ZDHHC21: variants seen among roughly 807,000 people sequenced by gnomAD.
ZDHHC21 encodes palmitoyltransferase ZDHHC21.
A neutral mutation model predicts 34.6 loss-of-function variants in ZDHHC21; 15 were observed. The ratio of observed to expected loss-of-function variants is 0.43; its 90% CI spans 0.29 to 0.67. The LOEUF (loss-of-function observed/expected upper bound fraction) is 0.67, where lower values mean the gene tolerates loss of function less well. Ranked by LOEUF, ZDHHC21 falls within the 30% of genes least tolerant of loss-of-function variation. The pLI, the probability that ZDHHC21 is intolerant of heterozygous loss-of-function variation, is 0.14. For missense variants in ZDHHC21, 344 were observed against 327.7 expected (o/e 1.05, Z -0.38); for synonymous variants, 142 against 101.8 (o/e 1.40, Z -2.38).
At chr9:14,589,151 G>A in the ZDHHC21 span, 2 of 152,230 alleles carry the variant, frequency 1.3e-5, no homozygotes, top group East Asian at 1.9e-4. Context: ...CAACAGAAGT[G>A]CTCTCTAGTC....
chr9:14,630,259 A>G (rs1033029263), intron 8 of ZDHHC21, among the ~76,000 whole-genome samples: 1 of 152,304 alleles, frequency 6.6e-6, no homozygotes, highest in African/African-American at 2.4e-5. Flanking sequence ...TGTCATTTCA[A>G]TAACGTCCAC....
Position 14,619,011 on chromosome 9 carries a change from C to G in ZDHHC21, c.753G>C (p.Gln251His), listed in dbSNP as rs1235681418. 6.2e-7 allele frequency: 1 copy of G among 1,611,838 alleles called. No individual in the cohort carries two copies. The highest frequency in any genetic ancestry group is 8.5e-7 in the Non-Finnish European group (1 of 1,178,860). The change falls in exon 10 of 10, where the codon CAG becomes CAC. Residue 251 changes from glutamine (Q) to histidine (H), a missense_variant. Gln to His is a conservative substitution (Grantham distance 24, BLOSUM62 0). Transcript: ENST00000380916. ...WKILWFIPFR[Q>H]RQPLRVPYHF... ...GGTAGGGAACTCGCAGTGGTTGCCT[C>G]TGCCTGAAAGGAATGAACCACAGGA...
intron 1 of ZDHHC21, among the ~76,000 whole-genome samples, chr9:14,691,651 T>C (rs536558584): frequency 2.0e-5 from 3 of 152,330 alleles, no homozygotes; most frequent in African/African-American, 7.2e-5. Context: ...TTTCTTTAAA[T>C]GACGCTCTAT....
the ZDHHC21 span, among the ~76,000 whole-genome samples, chr9:14,601,111 C>T: frequency 6.6e-6 from 1 of 152,158 alleles, no homozygotes. Context: ...ATGACTAAAA[C>T]ACCAAAAGCA....
At chr9:14,594,937 A>T in the ZDHHC21 span, among the ~76,000 whole-genome samples, 3 of 152,182 alleles carry the variant, frequency 2.0e-5, no homozygotes, top group Non-Finnish European at 4.4e-5. Flanking sequence ...GTTCAACATC[A>T]CTAGCCATTT....
chr9:14,655,363 C>T (rs1832013405), intron 7 of ZDHHC21, among the ~76,000 whole-genome samples: 1 of 151,838 alleles, frequency 6.6e-6, no homozygotes, highest in African/African-American at 2.4e-5. Flanking sequence ...AAAAATAAGC[C>T]TAGAGGAGGC....
At chr9:14,679,041 A>G (rs1297713195) in intron 3 of ZDHHC21, among the ~76,000 whole-genome samples, 1 of 152,108 alleles carries the variant, frequency 6.6e-6, no homozygotes, top group Non-Finnish European at 1.5e-5. Context: ...TGGTGCTAAC[A>G]AGCATGTTTC....
At chr9:14,653,134 C>A (rs1224618490) in intron 7 of ZDHHC21, among the ~76,000 whole-genome samples, 1 of 151,914 alleles carries the variant, frequency 6.6e-6, no homozygotes, top group South Asian at 2.1e-4. Context: ...GATCTTATTC[C>A]ATATCCTGAA....
chr9:14,602,850 G>C, the ZDHHC21 span, among the ~76,000 whole-genome samples: 1 of 146,242 alleles, frequency 6.8e-6, no homozygotes, highest in African/African-American at 2.6e-5. Flanking sequence ...TTGAGCCCAG[G>C]TGTTCGAGGT....
At position 14,676,864 on chromosome 9, in the gene ZDHHC21, C is replaced by G. The variant is rs116088790; in HGVS notation, c.-45-2479G>C. 9.4e-3 allele frequency among the ~76,000 whole-genome samples: 1,436 copies of G among 152,080 alleles called. 16 individuals are homozygous for G. Among genetic ancestry groups the G allele is most frequent in the African/African-American group, 0.032 (1,316 of 41,516 alleles). On this transcript the variant is annotated intron_variant, in intron 3 of 9. Coordinates refer to ENST00000380916, the MANE Select transcript of ZDHHC21 (RefSeq NM_178566.6). Reference sequence around the variant, plus strand: ...AGTGCTAAAAGAAATGACAAGTGCTCTCTCAACGTGTTCAATATTATTAAT... The same window carrying G: ...AGTGCTAAAAGAAATGACAAGTGCTGTCTCAACGTGTTCAATATTATTAAT...
At chr9:14,661,608 GATT>G (rs1490638623) in intron 6 of ZDHHC21, among the ~76,000 whole-genome samples, 6 of 152,248 alleles carry the variant, frequency 3.9e-5, no homozygotes, top group Non-Finnish European at 7.4e-5. Flanking sequence ...TGTTTTCGAA[GATT>G]ATATTTCTCA....
At position 14,615,352 on chromosome 9, in the gene ZDHHC21, C is replaced by A. The variant is rs10738372; in HGVS notation, c.*3614G>T. The A allele has an allele frequency of 6.6e-6, 1 of 151,322 alleles. No individual in the cohort carries two copies. 9.4% of individuals were successfully genotyped at this position (151,322 alleles called of 1,614,324 possible). A position where few individuals can be genotyped will look rare whatever the true frequency, so the allele number is the denominator to read the frequency against. On this transcript the variant is annotated 3_prime_UTR_variant, in exon 10 of 10. Coordinates refer to ENST00000380916, the MANE Select transcript of ZDHHC21 (RefSeq NM_178566.6). ...AAATGCCTCTATGCATTGGCAAAAA[C>A]GCACTGATGTTAATCCTGGCAGATG...
chr9:14,632,795 C>T (rs954926882), intron 8 of ZDHHC21, among the ~76,000 whole-genome samples: 1 of 151,936 alleles, frequency 6.6e-6, no homozygotes, highest in Non-Finnish European at 1.5e-5. Context: ...AAGGATTTCT[C>T]CAAAGATATA....
At chr9:14,606,150 T>C (rs1211591895), downstream of ZDHHC21, among the ~76,000 whole-genome samples, 1 of 152,206 alleles carries the variant, frequency 6.6e-6, no homozygotes, top group Non-Finnish European at 1.5e-5. Context: ...GCAAATTTAA[T>C]TTCCAAAGAT....
chr9:14,664,268 G>A (rs1460212849), intron 5 of ZDHHC21, among the ~76,000 whole-genome samples: 1 of 152,112 alleles, frequency 6.6e-6, no homozygotes, highest in Non-Finnish European at 1.5e-5. Flanking sequence ...GGAAAATCGG[G>A]TCACTCCCAC....
At chr9:14,629,110 CTT>C (rs1826849817) in intron 8 of ZDHHC21, among the ~76,000 whole-genome samples, 1 of 152,182 alleles carries the variant, frequency 6.6e-6, no homozygotes, top group Admixed American at 6.5e-5. Context: ...TATCCTCTCT[CTT>C]GCTTTCTCTT....
At chr9:14,645,372 T>A (rs13287560) in intron 7 of ZDHHC21, among the ~76,000 whole-genome samples, 14,082 of 151,974 alleles carry the variant, frequency 0.093, 817 homozygotes, top group Middle Eastern at 0.17. Flanking sequence ...ATCTTTTCAA[T>A]AAATGGTGCT....
chr9:14,644,312 G>A (rs541067930), intron 7 of ZDHHC21, among the ~76,000 whole-genome samples: 4 of 152,098 alleles, frequency 2.6e-5, no homozygotes, highest in Admixed American at 6.5e-5. Flanking sequence ...TCATCTATGT[G>A]TAATGACAGT....
At chr9:14,678,671 C>T (rs1241790042) in intron 3 of ZDHHC21, among the ~76,000 whole-genome samples, 1 of 151,878 alleles carries the variant, frequency 6.6e-6, no homozygotes, top group East Asian at 1.9e-4. Context: ...TTTAGTATTA[C>T]CTAAAAAGTA....
Sources: allele counts gnomAD v4.1 joint callset (sites outside exome capture counted in the v4.1 genomes callset), GRCh38; gene constraint gnomAD v4.1.1; transcripts MANE v1.5; gene names NCBI Gene and HGNC (gene_info 2026-07-23, HGNC 2026-07-21).